MTMR11: variants seen among roughly 807,000 people sequenced by gnomAD.
MTMR11 encodes the protein myotubularin-related protein 11.
MTMR11 carries 89 observed loss-of-function variants against 100.0 expected under a neutral mutation model. That is an observed-to-expected ratio of 0.89 (90% confidence interval 0.75 to 1.06). The LOEUF (loss-of-function observed/expected upper bound fraction) is 1.06. MTMR11 is among the 50% of genes least tolerant of loss of function. The pLI, the probability that MTMR11 is intolerant of heterozygous loss-of-function variation, is 0.00. For synonymous variants in MTMR11, 336 were observed against 326.3 expected (o/e 1.03, Z -0.32); for missense variants, 809 against 873.7 (o/e 0.93, Z 0.93).
Position 149,935,688 on chromosome 1 carries a change from A to G in MTMR11, c.160T>C (p.Trp54Arg). 6.2e-7 allele frequency: 1 copy of G among 1,609,932 alleles called. No individual in the cohort carries two copies. Among genetic ancestry groups the G allele is most frequent in the Non-Finnish European group, 8.5e-7 (1 of 1,178,032 alleles). The stretch of plus-strand genomic sequence containing the variant: ...AGGCCCTTCCTCACCCCTGGGGCCC[A>G]TGCTAGGATCTGCTCCCCTAAAGGG... ...RCLPGEQILA[W>R]APGVRKGLEP... The change falls in exon 3 of 17, where the codon TGG becomes CGG. Residue 54 changes from tryptophan to arginine, a missense_variant. Transcript: ENST00000439741.
In MTMR11 at chr1:149,929,863, T is replaced by C. The variant is rs202144775; in HGVS notation, c.1701A>G (p.Gly567=). 5.0e-6 allele frequency: 8 copies of C among 1,613,908 alleles called. No individual in the cohort carries two copies. In the African/African-American group the frequency reaches 9.3e-5, roughly 19 times the overall value. The part of the protein sequence containing the change: ...PPSSVWLFSR[G]ALTPLNQLCP... Reference sequence around the variant, plus strand: ...AGAGCTGATTCAGGGGGGTCAATGCTCCTCTAGAGAAGAGCCACACAGAAC... The same window carrying C: ...AGAGCTGATTCAGGGGGGTCAATGCCCCTCTAGAGAAGAGCCACACAGAAC... Residue 567 remains glycine (G), a synonymous_variant, in exon 16 of 17, where the codon GGA becomes GGG. Transcript: ENST00000439741.
Position 149,935,681 on chromosome 1 carries a change from G to A in MTMR11, c.167C>T (p.Pro56Leu), listed in dbSNP as rs202234090. ...LPGEQILAWA[P>L]GVRKGLEPEL... Reference sequence around the variant, plus strand: ...TGGTTCCAGGCCCTTCCTCACCCCTGGGGCCCATGCTAGGATCTGCTCCCC... The same window carrying A: ...TGGTTCCAGGCCCTTCCTCACCCCTAGGGCCCATGCTAGGATCTGCTCCCC... Residue 56 changes from proline to leucine, a missense_variant, in exon 3 of 17, where the codon CCA (proline) becomes CTA (leucine). Physicochemically the swap from Pro to Leu is moderately conservative, Grantham distance 98 (BLOSUM62 -3). Transcript: ENST00000439741. 1.1e-4 allele frequency: 176 copies of A among 1,611,702 alleles called. 1 individual carries two copies. The Middle Eastern group carries it at 8.7e-3, about 80-fold the overall frequency.
Position 149,929,099 on chromosome 1 carries a change from A to G in MTMR11, c.*30T>C, listed in dbSNP as rs587728935. ...GAGGCTGCAAGTGCAGATACAAAAA[A>G]AAAAAAAAAAGATTAGACAGAACCC... On this transcript the variant is annotated 3_prime_UTR_variant, in exon 17 of 17. Transcript: ENST00000439741. 4.1e-4 allele frequency: 636 copies of G among 1,564,658 alleles called. 1 individual carries two copies. The African/African-American group carries it at 7.5e-3, about 19-fold the overall frequency.
chr1:149,935,023 C>G lies in MTMR11; in HGVS notation c.431G>C (p.Gly144Ala). 6.2e-7 allele frequency: 1 copy of G among 1,614,072 alleles called. No individual in the cohort carries two copies. Among genetic ancestry groups the G allele is most frequent in the Admixed American group, 1.7e-5 (1 of 60,022 alleles). ...HGRDFRLLRV[G>A]FEAGGLEPQA... The stretch of plus-strand genomic sequence containing the variant: ...AGGCTCTAGGCCTCCAGCCTCAAAA[C>G]CAACTCTGAGCAGCCGGAAGTCTCG... Residue 144 changes from glycine (G) to alanine (A), a missense_variant, in exon 5 of 17, where the codon GGT (glycine) becomes GCT (alanine). Gly to Ala is a moderately conservative substitution (Grantham distance 60). Coordinates refer to ENST00000439741, the MANE Select transcript of MTMR11 (RefSeq NM_001145862.2).
At chr1:149,931,538 G>A in intron 12 of MTMR11, 112 bp from the exon 13 acceptor site, 1 of 1,009,910 alleles carries the variant, frequency 9.9e-7, no homozygotes, top group Non-Finnish European at 1.4e-6. Context: ...GAGGGGAAAG[G>A]TTTGGGGTAG....
At chr1:149,931,099 G>T (rs1175702522) in intron 13 of MTMR11, 134 bp from the exon 14 acceptor site, 1 of 1,338,028 alleles carries the variant, frequency 7.5e-7, no homozygotes, top group Non-Finnish European at 1.0e-6. Flanking sequence ...TGAATTGAGG[G>T]TAGCAGGGGC....
intron 8 of MTMR11, 47 bp downstream of exon 8, chr1:149,933,808 C>T (rs1553768240): frequency 6.2e-7 from 1 of 1,608,256 alleles, no homozygotes; most frequent in Non-Finnish European, 8.5e-7. Flanking sequence ...GTCCCTGGCC[C>T]ACATGACCCT....
Position 149,929,073 on chromosome 1 carries a change from T to C in MTMR11, c.*56A>G. On this transcript the variant is annotated 3_prime_UTR_variant, in exon 17 of 17. Coordinates refer to ENST00000439741, the MANE Select transcript of MTMR11 (RefSeq NM_001145862.2). ...AACTTAAGGGCTGAAGTGTGAAAGC[T>C]GAGGCTGCAAGTGCAGATACAAAAA... 6.4e-7 allele frequency: 1 copy of C among 1,561,156 alleles called. No homozygotes were observed. Among genetic ancestry groups the C allele is most frequent in the South Asian group, 1.2e-5 (1 of 83,388 alleles).
rs782456866 is a variant in MTMR11, at chr1:149,929,202, T to C, written c.2057A>G (p.Asp686Gly). The part of the protein sequence containing the change: ...ISPEDHSKKR[D>G]PHTILNPTEI... ...AGTGGGATTGAGAATGGTATGTGGA[T>C]CTCTTTTCTTGGAGTGATCCTCAGG... Residue 686 changes from aspartate (D) to glycine (G), a missense_variant, in exon 17 of 17, where the codon GAT becomes GGT. Physicochemically the swap from Asp to Gly is moderately conservative, Grantham distance 94. Coordinates refer to ENST00000439741, the MANE Select transcript of MTMR11 (RefSeq NM_001145862.2). 1 of 1,613,984 alleles carries C rather than the reference T, an allele frequency of 6.2e-7. No individual in the cohort carries two copies.
At position 149,928,902 on chromosome 1, in the gene MTMR11, C is replaced by T. The variant is rs1553766640; in HGVS notation, c.*227G>A. On this transcript the variant is annotated 3_prime_UTR_variant, in exon 17 of 17. Coordinates refer to ENST00000439741, the MANE Select transcript of MTMR11 (RefSeq NM_001145862.2). ...GTTATCCAGAAGGGATGGGATTGGC[C>T]TAAAAAAACCGATCAATTTCTGGAT... 2.5e-6 allele frequency: 4 copies of T among 1,613,940 alleles called. No individual in the cohort carries two copies. The Middle Eastern group carries it at 4.9e-4, about 200-fold the overall frequency.
rs782064930 is a variant in MTMR11 at position 149,935,270 on chromosome 1, C to T, written c.325+29G>A. ...AGGGAGTTCCAACAACCCCAGTGAA[C>T]CCCTTCACCAAACCCCCCCCCAACT... On this transcript the variant is annotated intron_variant, in intron 4 of 16. Transcript: ENST00000439741. 4 of 1,608,886 alleles carry T rather than the reference C, an allele frequency of 2.5e-6. No homozygotes were observed. The African/African-American group carries it at 4.1e-5, about 16-fold the overall frequency.
chr1:149,934,399 A>G (rs2092698942), intron 6 of MTMR11, 49 bp downstream of exon 6: 5 of 1,613,482 alleles, frequency 3.1e-6, no homozygotes, highest in Non-Finnish European at 4.2e-6. Context: ...GTCATCAGCC[A>G]TCCTCTGCTT....
chr1:149,933,269 A>C, intron 10 of MTMR11, 137 bp downstream of exon 10: 8 of 1,290,800 alleles, frequency 6.2e-6, no homozygotes, highest in Non-Finnish European at 8.6e-6. Context: ...ACTCCGTCTC[A>C]AGAAAAAAGA....
intron 1 of MTMR11, 62 bp downstream of exon 1, chr1:149,936,520 T>C: frequency 1.5e-6 from 2 of 1,330,404 alleles, no homozygotes; most frequent in South Asian, 1.3e-5. Flanking sequence ...TTCCCCCTTT[T>C]ATCTCCACCT....
At chr1:149,933,264 G>T in intron 10 of MTMR11, 142 bp downstream of exon 10, 1 of 1,253,226 alleles carries the variant, frequency 8.0e-7, no homozygotes. Flanking sequence ...CCGAGACTCC[G>T]TCTCAAGAAA....
rs1364314960 is a variant in MTMR11 at position 149,929,783 on chromosome 1, C to T, written c.1781G>A (p.Arg594Gln). 6 of 1,613,988 alleles carry T rather than the reference C, an allele frequency of 3.7e-6. No individual in the cohort carries two copies. The highest frequency in any genetic ancestry group is 1.3e-5 in the African/African-American group (1 of 74,868). Residue 594 changes from arginine to glutamine, a missense_variant, in exon 16 of 17, where the codon CGA becomes CAA. Coordinates refer to ENST00000439741, the MANE Select transcript of MTMR11 (RefSeq NM_001145862.2). Reference sequence around the variant, plus strand: ...CAGGCTTTCAGAGGAGATAGCAGGTCGAGGGAGCCAACGAGAAGAGACTGC... The same window carrying T: ...CAGGCTTTCAGAGGAGATAGCAGGTTGAGGGAGCCAACGAGAAGAGACTGC... ...LLAVSSRWLP[R>Q]PAISSESLAD...
At position 149,930,985 on chromosome 1, in the gene MTMR11, T is replaced by C; in HGVS notation, c.1291-20A>G. The C allele has an allele frequency of 6.3e-6, 10 of 1,581,424 alleles. No homozygotes were observed. Among genetic ancestry groups the C allele is most frequent in the Non-Finnish European group, 7.7e-6 (9 of 1,166,090 alleles). Reference sequence around the variant, plus strand: ...CGGAGCCTGAAAAGAAATTAAGAGGTTGGAAGGGATTATTGGGACCCAAAG... The same window carrying C: ...CGGAGCCTGAAAAGAAATTAAGAGGCTGGAAGGGATTATTGGGACCCAAAG... On this transcript the variant is annotated intron_variant, in intron 13 of 16. Transcript: ENST00000439741.
chr1:149,931,392 A>G lies in MTMR11; in HGVS notation c.1158T>C (p.Ser386=). Residue 386 remains serine, a synonymous_variant, in exon 13 of 17, where the codon TCT becomes TCC. Transcript: ENST00000439741. ...GGGCTGAAAGCAGCTGGACGAGTGA[A>G]GAGAGGAGGCCATTGAGATCACGAT... ...RGDRDLNGLL[S]SLVQLLSAPE... The G allele has an allele frequency of 6.2e-7, 1 of 1,612,462 alleles. No homozygotes were observed. Among genetic ancestry groups the G allele is most frequent in the Non-Finnish European group, 8.5e-7 (1 of 1,179,270 alleles).
At chr1:149,930,723 C>G (rs1240944467) in intron 14 of MTMR11, 69 bp downstream of exon 14, 18 of 1,478,008 alleles carry the variant, frequency 1.2e-5, no homozygotes, top group Non-Finnish European at 1.6e-5. Flanking sequence ...TAAAACAAAT[C>G]AAGACCAAAC....
Sources: allele counts gnomAD v4.1 joint callset, GRCh38; gene constraint gnomAD v4.1.1; transcripts MANE v1.5; gene names NCBI Gene and HGNC (gene_info 2026-07-23, HGNC 2026-07-21).